The following GLRX5 variants were observed in gnomAD, a reference collection of about 807,000 sequenced individuals.
GLRX5 encodes glutaredoxin 5.
A neutral mutation model predicts 13.8 loss-of-function variants in GLRX5; 10 were observed. The ratio of observed to expected loss-of-function variants is 0.72; its 90% CI spans 0.45 to 1.23. The LOEUF (loss-of-function observed/expected upper bound fraction) is 1.23. GLRX5 is among the 50% of genes most tolerant of loss of function. The probability of loss-of-function intolerance (pLI) is 0.00; values close to 1 mark genes in which losing one functional copy is unlikely to be tolerated. For missense variants in GLRX5, 233 were observed against 215.2 expected, an observed-to-expected ratio of 1.08 and a Z score of -0.52; for synonymous variants, 98 against 101.1, an observed-to-expected ratio of 0.97 and a Z score of 0.18.
At chr14:95,536,958 C>G (rs920556123) in intron 1 of GLRX5, among the ~76,000 whole-genome samples, 7 of 152,130 alleles carry the variant, frequency 4.6e-5, no homozygotes, top group Admixed American at 2.0e-4. Flanking sequence ...AGTATGCCAC[C>G]AGTTACTGGG....
chr14:95,537,444 T>G (rs976147235), intron 1 of GLRX5, among the ~76,000 whole-genome samples: 1 of 152,230 alleles, frequency 6.6e-6, no homozygotes, highest in African/African-American at 2.4e-5. Flanking sequence ...ATAACATACC[T>G]CTTTTATTGA....
chr14:95,541,789 A>ATG (rs1743324391), intron 1 of GLRX5, among the ~76,000 whole-genome samples: 1 of 152,264 alleles, frequency 6.6e-6, no homozygotes, highest in Admixed American at 6.5e-5. Context: ...CTTTAAAAAC[A>ATG]TGTATTTTTT....
At chr14:95,543,667 A>AC in intron 1 of GLRX5, 1 of 258,996 alleles carries the variant, frequency 3.9e-6, no homozygotes, top group Non-Finnish European at 6.5e-6. Flanking sequence ...TAATTCTCAC[A>AC]AAAAAAAAAA....
Position 95,535,256 on chromosome 14 carries a change from T to C in GLRX5, c.167T>C (p.Val56Ala), listed in dbSNP as rs895229563. Residue 56 changes from valine to alanine, a missense_variant, in exon 1 of 2, where the codon GTC becomes GCC. By Grantham distance (64) the Val-to-Ala change is moderately conservative. Coordinates refer to ENST00000331334, the MANE Select transcript of GLRX5 (RefSeq NM_016417.3). ...CTGGTGAAGAAGGACAAGGTGGTGG[T>C]CTTCCTCAAGGGGACGCCGGAGCAG... Reference protein sequence around the residue: ...DALVKKDKVVVFLKGTPEQPQ... With the variant: ...DALVKKDKVVAFLKGTPEQPQ... The C allele has an allele frequency of 6.4e-7, 1 of 1,571,096 alleles. No individual in the cohort carries two copies. The highest frequency in any genetic ancestry group is 8.6e-7 in the Non-Finnish European group (1 of 1,160,246).
chr14:95,535,365 C>T lies in GLRX5; in HGVS notation c.276C>T (p.Asp92=). The change falls in exon 1 of 2, where the codon GAC becomes GAT. Residue 92 remains aspartate, a synonymous_variant. Coordinates refer to ENST00000331334, the MANE Select transcript of GLRX5 (RefSeq NM_016417.3). ...VRDYAAYNVL[D]DPELRQGIKD... ...ATTACGCGGCCTACAACGTGCTGGA[C>T]GACCCGGAGCTCCGACAAGGTCAGG... is the stretch of plus-strand genomic sequence containing the variant. 3 of 1,551,334 alleles carry T rather than the reference C, an allele frequency of 1.9e-6. No individual in the cohort carries two copies. Among genetic ancestry groups the T allele is most frequent in the Non-Finnish European group, 2.6e-6 (3 of 1,147,750 alleles).
At chr14:95,541,588 T>G (rs1011791206) in intron 1 of GLRX5, among the ~76,000 whole-genome samples, 2 of 152,244 alleles carry the variant, frequency 1.3e-5, no homozygotes, top group African/African-American at 4.8e-5. Context: ...TGTGGCTGTG[T>G]GTGTTGGGTG....
chr14:95,535,781 A>G (rs1013183901), intron 1 of GLRX5, among the ~76,000 whole-genome samples: 4 of 152,104 alleles, frequency 2.6e-5, no homozygotes, highest in African/African-American at 9.7e-5. Context: ...TGAGATAGGT[A>G]CTTTCGCGGA....
Position 95,544,142 on chromosome 14 carries a change from G to T in GLRX5, c.*17G>T. 6.2e-7 allele frequency: 1 copy of T among 1,606,306 alleles called. No individual in the cohort carries two copies. The highest frequency in any genetic ancestry group is 8.5e-7 in the Non-Finnish European group (1 of 1,173,790). On this transcript the variant is annotated 3_prime_UTR_variant, in exon 2 of 2. Coordinates refer to ENST00000331334, the MANE Select transcript of GLRX5 (RefSeq NM_016417.3). ...TCCAAGTGAGGGCGGCCAAGTCCTCGCTGAGCAGAGAGGGAGCCGTTCATG... is the reference window on the plus strand; with the variant it reads ...TCCAAGTGAGGGCGGCCAAGTCCTCTCTGAGCAGAGAGGGAGCCGTTCATG...
At chr14:95,541,523 G>A (rs17092644) in intron 1 of GLRX5, among the ~76,000 whole-genome samples, 31,346 of 152,182 alleles carry the variant, frequency 0.21, 3,456 homozygotes, top group East Asian at 0.36. Context: ...TTGATAAACC[G>A]TCAGCTGCTG....
At chr14:95,542,428 A>G (rs1891488293) in intron 1 of GLRX5, among the ~76,000 whole-genome samples, 1 of 152,206 alleles carries the variant, frequency 6.6e-6, no homozygotes, top group Admixed American at 6.5e-5. Flanking sequence ...AGTCTGGAGA[A>G]GGAAGATAAA....
intron 1 of GLRX5, among the ~76,000 whole-genome samples, chr14:95,542,558 A>G (rs188159211): frequency 1.8e-4 from 27 of 152,350 alleles, no homozygotes; most frequent in African/African-American, 6.5e-4. Flanking sequence ...TATAACTGAA[A>G]TCAGTAATTT....
chr14:95,540,539 C>T (rs1487334488), intron 1 of GLRX5, among the ~76,000 whole-genome samples: 2 of 152,224 alleles, frequency 1.3e-5, no homozygotes, highest in African/African-American at 4.8e-5. Context: ...GCCCACTCTG[C>T]CCCGTGCCTT....
intron 1 of GLRX5, among the ~76,000 whole-genome samples, chr14:95,537,409 T>C (rs568408975): frequency 6.6e-6 from 1 of 152,380 alleles, no homozygotes; most frequent in South Asian, 2.1e-4. Flanking sequence ...TTTTGGTTAA[T>C]AAACGCGTTG....
intron 1 of GLRX5, among the ~76,000 whole-genome samples, chr14:95,537,550 A>C (rs1300801177): frequency 6.6e-6 from 1 of 152,266 alleles, no homozygotes; most frequent in Non-Finnish European, 1.5e-5. Flanking sequence ...CAGGTTATTA[A>C]GACTCTTCCC....
rs1299408372 is a variant in GLRX5, at chr14:95,535,336, C to A, written c.247C>A (p.Arg83Ser). ...GCAGATCCTGCGGCTGCACGGCGTC[C>A]GCGATTACGCGGCCTACAACGTGCT... is the stretch of plus-strand genomic sequence containing the variant. The part of the protein sequence containing the change: ...VVQILRLHGV[R>S]DYAAYNVLDD... Residue 83 changes from arginine to serine, a missense_variant, in exon 1 of 2, where the codon CGC (arginine) becomes AGC (serine). Physicochemically the swap from Arg to Ser is moderately radical, Grantham distance 110. Transcript: ENST00000331334. 1 of 1,553,748 alleles carries A rather than the reference C, an allele frequency of 6.4e-7. No individual in the cohort carries two copies.
chr14:95,543,920 T>G (rs199591778), intron 1 of GLRX5, 27 bp from the exon 2 acceptor site: 42 of 1,594,138 alleles, frequency 2.6e-5, no homozygotes, highest in Non-Finnish European at 7.7e-6. Context: ...ACCATTTAAA[T>G]AACAAATAAA....
At position 95,543,974 on chromosome 14, in the gene GLRX5, C is replaced by T. The variant is rs761157052; in HGVS notation, c.323C>T (p.Thr108Ile). 3 of 1,613,896 alleles carry T rather than the reference C, an allele frequency of 1.9e-6. No homozygotes were observed. The African/African-American group carries it at 4.0e-5, about 22-fold the overall frequency. Residue 108 changes from threonine (T) to isoleucine (I), a missense_variant, in exon 2 of 2, where the codon ACC becomes ATC. By Grantham distance (89) the Thr-to-Ile change is moderately conservative. Transcript: ENST00000331334. ...ATTAAAGACTATTCCAACTGGCCCA[C>T]CATCCCGCAAGTGTACCTCAATGGC... ...QGIKDYSNWP[T>I]IPQVYLNGEF...
At chr14:95,539,264 CTG>C (rs1891433024) in intron 1 of GLRX5, among the ~76,000 whole-genome samples, 1 of 152,204 alleles carries the variant, frequency 6.6e-6, no homozygotes, top group Non-Finnish European at 1.5e-5. Context: ...TTGGGGACCT[CTG>C]TGTTAGGATA....
rs1242391433 is a variant in GLRX5, at chr14:95,543,009, T to C, written c.296-938T>C. 3 of 456,080 alleles carry C rather than the reference T, an allele frequency of 6.6e-6. No homozygotes were observed. The Admixed American group carries it at 7.0e-5, about 11-fold the overall frequency. The allele number at this position is 456,080 out of a possible 1,614,324, so 28.3% of individuals were successfully genotyped here. ...GTGGCTCAGAATTGAACAGAGTAGTTGCACAGCTGCGCTGTCACAGAGTGT... is the reference window on the plus strand; with the variant it reads ...GTGGCTCAGAATTGAACAGAGTAGTCGCACAGCTGCGCTGTCACAGAGTGT... On this transcript the variant is annotated intron_variant, in intron 1 of 1. Coordinates refer to ENST00000331334, the MANE Select transcript of GLRX5 (RefSeq NM_016417.3).
Sources: gnomAD v4.1 joint callset for allele counts (sites outside exome capture counted in the v4.1 genomes callset) on GRCh38, gnomAD v4.1.1 for gene constraint, MANE v1.5 for transcripts, NCBI Gene and HGNC (gene_info 2026-07-23, HGNC 2026-07-21) for gene names.